ADCY10: variants seen among roughly 807,000 people sequenced by gnomAD.
ADCY10 encodes the protein adenylate cyclase type 10.
Under a neutral mutation model 183.3 loss-of-function variants are expected in ADCY10, and 156 were observed. The ratio of observed to expected loss-of-function variants is 0.85; its 90% confidence interval spans 0.75 to 0.97. The LOEUF (loss-of-function observed/expected upper bound fraction) is 0.97. Among genes scored for constraint, ADCY10 ranks in the 50% least tolerant of loss-of-function variants. The probability of loss-of-function intolerance (pLI) is 0.00; values close to 1 mark genes in which losing one functional copy is unlikely to be tolerated. For missense variants in ADCY10, 1,745 were observed against 1,934.3 expected, an observed-to-expected ratio of 0.90 and a Z score of 1.84; for synonymous variants, 645 against 670.0, an observed-to-expected ratio of 0.96 and a Z score of 0.58.
At chr1:167,870,602 G>A (rs981665731) in intron 13 of ADCY10, among the ~76,000 whole-genome samples, 192 bp from the exon 14 acceptor site, 5 of 146,686 alleles carry the variant, frequency 3.4e-5, no homozygotes, top group Non-Finnish European at 7.4e-5. Flanking sequence ...TGACCAGCCT[G>A]GCCAACATGA....
At chr1:167,862,777 A>C (rs897737524) in intron 14 of ADCY10, among the ~76,000 whole-genome samples, 8 of 152,352 alleles carry the variant, frequency 5.3e-5, no homozygotes, top group Admixed American at 3.9e-4. Flanking sequence ...TGTGGGATAG[A>C]GATACAGCTA....
In ADCY10 at chr1:167,843,305, CATCA is replaced by C. The variant is rs573647018; in HGVS notation, c.3007+2254_3007+2257del. On this transcript the variant is annotated intron_variant, in intron 21 of 32. Coordinates refer to ENST00000367851, the MANE Select transcript of ADCY10 (RefSeq NM_018417.6). ...GCTTATTTTATCCCCCAAAATAAAA[CATCA>C]ATCTACCAAAAAATGCATCTATGTA... 1.2e-3 allele frequency among the ~76,000 whole-genome samples: 183 copies of C among 152,278 alleles called. 1 individual carries two copies. Among genetic ancestry groups the C allele is most frequent in the African/African-American group, 4.4e-3 (182 of 41,564 alleles).
In ADCY10 at chr1:167,810,927, A is replaced by G. The variant is rs762347770; in HGVS notation, c.4483-14T>C. The stretch of plus-strand genomic sequence containing the variant: ...ATTCTCCAAGTTCTAAAGAAAAAAA[A>G]CCCACAACAGTATATTAGAATTAAA... On this transcript the variant is annotated splice_polypyrimidine_tract_variant and intron_variant, in intron 31 of 32. Transcript: ENST00000367851. 1.2e-6 allele frequency: 2 copies of G among 1,613,780 alleles called. No homozygotes were observed. The highest frequency in any genetic ancestry group is 1.3e-5 in the African/African-American group (1 of 75,038).
intron 30 of ADCY10, chr1:167,820,066 A>G (rs999962262): frequency 7.0e-6 from 11 of 1,572,392 alleles, no homozygotes; most frequent in African/African-American, 1.4e-5. Context: ...TTCGTTACTC[A>G]TCCTTGAGAT....
chr1:167,875,141 G>T lies in ADCY10; in HGVS notation c.1452C>A (p.Tyr484Ter), dbSNP rs759563864. Residue 484 changes from tyrosine to a stop codon, truncating the protein, a stop_gained, in exon 13 of 33, where the codon TAC (tyrosine) becomes TAA (stop). Transcript: ENST00000367851. LOFTEE classifies it high-confidence loss of function. The part of the protein sequence containing the change: ...ACLICNRKED[Y>*]PLLGRNKEIN... ...AGGCCTACTACCTACCCAGCAAAGG[G>T]TAATCCTCCTTTCTGTTGCAGATGA... The T allele has an allele frequency of 1.2e-6, 2 of 1,614,010 alleles. No homozygotes were observed. The highest frequency in any genetic ancestry group is 1.7e-6 in the Non-Finnish European group (2 of 1,179,900).
At chr1:167,813,497 C>T (rs574601863) in intron 31 of ADCY10, among the ~76,000 whole-genome samples, 18 of 151,818 alleles carry the variant, frequency 1.2e-4, no homozygotes, top group Admixed American at 1.0e-3. Flanking sequence ...CCAAAAAATG[C>T]CCACGCCTTA....
intron 14 of ADCY10, among the ~76,000 whole-genome samples, chr1:167,866,481 C>T (rs879745738): frequency 6.7e-6 from 1 of 149,776 alleles, no homozygotes; most frequent in African/African-American, 2.5e-5. Context: ...CTCAGGTCGG[C>T]CCCAGCCCTG....
At position 167,810,232 on chromosome 1, in the gene ADCY10, T is replaced by C. The variant is rs536890437; in HGVS notation, c.4672-393A>G. ...ATGAGGGAGAGAGACCATGAGAACT[T>C]AAAGGGGAAGAGGAAGCTCACAATC... On this transcript the variant is annotated intron_variant, in intron 32 of 32. Coordinates refer to ENST00000367851, the MANE Select transcript of ADCY10 (RefSeq NM_018417.6). 2.8e-3 allele frequency among the ~76,000 whole-genome samples: 425 copies of C among 152,082 alleles called. 1 individual carries two copies. Among genetic ancestry groups the C allele is most frequent in the Middle Eastern group, 0.01 (3 of 294 alleles).
rs759206969 is a variant in ADCY10 at position 167,896,592 on chromosome 1, T to TA, written c.739+2dup. 3.7e-6 allele frequency: 6 copies of TA among 1,606,250 alleles called. No individual in the cohort carries two copies. In the Admixed American group the frequency reaches 5.0e-5, roughly 13 times the overall value. ...AAGGCATTTTTCCATGGTGGGTACT[T>TA]ACTTTTGTGCTCACCAGAAGGATAA... On this transcript the variant is annotated splice_region_variant and intron_variant, in intron 7 of 32. Coordinates refer to ENST00000367851, the MANE Select transcript of ADCY10 (RefSeq NM_018417.6).
chr1:167,831,197 CT>C (rs78645539), intron 25 of ADCY10, among the ~76,000 whole-genome samples: 10 of 149,756 alleles, frequency 6.7e-5, no homozygotes, highest in African/African-American at 1.5e-4. Flanking sequence ...ATCTCTCTCT[CT>C]TTTTTTTTTG....
At position 167,845,515 on chromosome 1, in the gene ADCY10, T is replaced by C. The variant is rs117383930; in HGVS notation, c.3007+48A>G. 4.3e-4 allele frequency: 680 copies of C among 1,598,608 alleles called. 5 individuals carry two copies. The East Asian group carries it at 0.013, about 31-fold the overall frequency. On this transcript the variant is annotated intron_variant, in intron 21 of 32. Coordinates refer to ENST00000367851, the MANE Select transcript of ADCY10 (RefSeq NM_018417.6). The stretch of plus-strand genomic sequence containing the variant: ...CCCACTCCTTCTAGATCTTAGTCTC[T>C]AGATTTCCCAAGAACAGTTAGGATA...
intron 12 of ADCY10, among the ~76,000 whole-genome samples, chr1:167,876,989 A>G (rs1667512646): frequency 6.6e-6 from 1 of 152,028 alleles, no homozygotes; most frequent in African/African-American, 2.4e-5. Context: ...AGTCTGTTGA[A>G]CCCCAGGCAC....
Position 167,860,950 on chromosome 1 carries a change from T to G in ADCY10, c.1730A>C (p.Gln577Pro). 1.2e-6 allele frequency: 2 copies of G among 1,614,202 alleles called. No homozygotes were observed. Among genetic ancestry groups the G allele is most frequent in the Non-Finnish European group, 1.7e-6 (2 of 1,180,032 alleles). ...LDTCKHYKER[Q>P]TNLRNKVMTL... Reference sequence around the variant, plus strand: ...CATGACTTTATTTCGAAGGTTGGTCTGTCGTTCTTTATAATGTTTACAAGT... The same window carrying G: ...CATGACTTTATTTCGAAGGTTGGTCGGTCGTTCTTTATAATGTTTACAAGT... The change falls in exon 15 of 33, where the codon CAG becomes CCG. Residue 577 changes from glutamine to proline, a missense_variant. Gln to Pro is a moderately conservative substitution (Grantham distance 76). Transcript: ENST00000367851.
At chr1:167,912,883 G>A (rs1458725189) in intron 1 of ADCY10, among the ~76,000 whole-genome samples, 4 of 152,200 alleles carry the variant, frequency 2.6e-5, no homozygotes, top group Non-Finnish European at 5.9e-5. Context: ...GAAAACTGAA[G>A]CACAGAGGTA....
chr1:167,833,278 C>A (rs1318857789), intron 24 of ADCY10, 116 bp from the exon 25 acceptor site: 2 of 979,846 alleles, frequency 2.0e-6, no homozygotes, highest in Non-Finnish European at 3.2e-6. Flanking sequence ...AATTTATGGA[C>A]CAGAAACAAA....
Position 167,809,832 on chromosome 1 carries a change from C to T in ADCY10, c.4679G>A (p.Trp1560Ter), listed in dbSNP as rs866625619. ...TTCTTTTAACTCAGAGGTTGAGTAC[C>T]ATGATTCCTGAGAGGAAAGAAACAG... Reference protein sequence around the residue: ...KCWLNMNKESWYSTSELKEDQ... With the variant: ...KCWLNMNKES Residue 1560 changes from tryptophan to a stop codon, truncating the protein, a stop_gained, in exon 33 of 33, where the codon TGG (tryptophan) becomes TAG (stop). Coordinates refer to ENST00000367851, the MANE Select transcript of ADCY10 (RefSeq NM_018417.6). LOFTEE classifies it low-confidence loss of function (END_TRUNC). 6.2e-7 allele frequency: 1 copy of T among 1,613,996 alleles called. No individual in the cohort carries two copies.
At chr1:167,896,527 C>T (rs894683846) in intron 7 of ADCY10, 68 bp downstream of exon 7, 24 of 1,254,364 alleles carry the variant, frequency 1.9e-5, no homozygotes, top group Middle Eastern at 1.9e-4. Flanking sequence ...ATGAAGCTGT[C>T]GGCATTGATA....
At chr1:167,908,842 C>G (rs1251137546) in intron 1 of ADCY10, among the ~76,000 whole-genome samples, 1 of 152,154 alleles carries the variant, frequency 6.6e-6, no homozygotes, top group Non-Finnish European at 1.5e-5. Flanking sequence ...TTAACAAAAT[C>G]AAATGCATAA....
At chr1:167,872,112 C>T (rs571281974) in intron 13 of ADCY10, among the ~76,000 whole-genome samples, 8 of 152,186 alleles carry the variant, frequency 5.3e-5, no homozygotes, top group South Asian at 4.1e-4. Flanking sequence ...GAGGCCGAGG[C>T]GGGTGGATCC....
Sources: allele counts gnomAD v4.1 joint callset (sites outside exome capture counted in the v4.1 genomes callset), GRCh38; gene constraint gnomAD v4.1.1; transcripts MANE v1.5; gene names NCBI Gene and HGNC (gene_info 2026-07-23, HGNC 2026-07-21).